PPFIBP1: variants seen among roughly 807,000 people sequenced by gnomAD.
PPFIBP1 encodes liprin-beta-1.
A neutral mutation model predicts 137.8 loss-of-function variants in PPFIBP1; 112 were observed. The observed-to-expected ratio is 0.81, with a 90% CI of 0.70 to 0.95. The LOEUF is 0.95. PPFIBP1 is among the 40% of genes least tolerant of loss of function. The pLI is 0.00. For missense variants in PPFIBP1, 1,083 were observed against 1,196.6 expected (o/e 0.91, Z 1.40); for synonymous variants, 378 against 417.3 (o/e 0.91, Z 1.15).
intron 4 of PPFIBP1, among the ~76,000 whole-genome samples, chr12:27,638,441 G>T (rs1406473060): frequency 6.6e-6 from 1 of 152,162 alleles, no homozygotes; most frequent in Non-Finnish European, 1.5e-5. Context: ...TTTAATGTTG[G>T]CCCTAAGTCT....
chr12:27,604,078 A>G (rs2054272290), intron 2 of PPFIBP1, among the ~76,000 whole-genome samples: 1 of 152,222 alleles, frequency 6.6e-6, no homozygotes, highest in Non-Finnish European at 1.5e-5. Flanking sequence ...CTAGGGGACT[A>G]TAAAGAAAAG....
intron 2 of PPFIBP1, among the ~76,000 whole-genome samples, chr12:27,619,951 A>T: frequency 6.6e-6 from 1 of 151,834 alleles, no homozygotes. Context: ...ATTCACACAT[A>T]CATACATTTT....
intron 5 of PPFIBP1, among the ~76,000 whole-genome samples, chr12:27,646,817 T>C (rs567983189): frequency 4.7e-4 from 71 of 152,242 alleles, no homozygotes; most frequent in East Asian, 3.9e-3. Flanking sequence ...TGAATTGAAG[T>C]ATATTTACTG....
chr12:27,612,639 G>A (rs1285448652), intron 2 of PPFIBP1, among the ~76,000 whole-genome samples: 3 of 152,024 alleles, frequency 2.0e-5, no homozygotes, highest in Non-Finnish European at 2.9e-5. Flanking sequence ...GTGAGCCACA[G>A]CGCCCGGCTC....
intron 1 of PPFIBP1, among the ~76,000 whole-genome samples, chr12:27,534,560 A>AT (rs1313059356): frequency 6.6e-6 from 1 of 151,972 alleles, no homozygotes; most frequent in East Asian, 1.9e-4. Flanking sequence ...AGTAGTGGTT[A>AT]TAAAAAAAAA....
chr12:27,577,949 T>C (rs189673695), intron 1 of PPFIBP1, among the ~76,000 whole-genome samples: 1 of 151,906 alleles, frequency 6.6e-6, no homozygotes, highest in African/African-American at 2.4e-5. Flanking sequence ...GAGAGAAGGG[T>C]GGAGTGCTGG....
At chr12:27,588,951 A>G (rs188598714) in intron 2 of PPFIBP1, among the ~76,000 whole-genome samples, 14 of 152,238 alleles carry the variant, frequency 9.2e-5, no homozygotes, top group African/African-American at 2.2e-4. Flanking sequence ...CTTTTTACCA[A>G]TTGTGCTCAT....
At chr12:27,655,523 G>A (rs1336932613) in intron 8 of PPFIBP1, among the ~76,000 whole-genome samples, 5 of 152,120 alleles carry the variant, frequency 3.3e-5, no homozygotes, top group South Asian at 2.1e-4. Context: ...GTAAACATTC[G>A]CTTGTGAAAG....
At chr12:27,535,007 A>G (rs1944829462) in intron 1 of PPFIBP1, among the ~76,000 whole-genome samples, 1 of 152,198 alleles carries the variant, frequency 6.6e-6, no homozygotes, top group African/African-American at 2.4e-5. Context: ...GGTGGGTCTT[A>G]TGGTGGTTGC....
chr12:27,611,678 A>G (rs2138159341), intron 2 of PPFIBP1, among the ~76,000 whole-genome samples: 1 of 152,162 alleles, frequency 6.6e-6, no homozygotes, highest in Admixed American at 6.5e-5. Context: ...TTATTTTGTA[A>G]TTGTCTATAA....
chr12:27,609,670 A>G (rs2054882080), intron 2 of PPFIBP1, among the ~76,000 whole-genome samples: 1 of 152,158 alleles, frequency 6.6e-6, no homozygotes, highest in South Asian at 2.1e-4. Context: ...ATAATCCTTC[A>G]GTTCTCAAAA....
In PPFIBP1 at chr12:27,689,099, G is replaced by A. The variant is rs966913949; in HGVS notation, c.2581G>A (p.Ala861Thr). The part of the protein sequence containing the change: ...PNKTLLRRHL[A>T]THFNLLIGAE... ...TAAGACTTTGCTGCGAAGACATTTG[G>A]CCACTCATTTCAACCTTCTGATTGG... The change falls in exon 27 of 30, where the codon GCC becomes ACC. Residue 861 changes from alanine (A) to threonine (T), a missense_variant. Coordinates refer to ENST00000228425, the MANE Select transcript of PPFIBP1 (RefSeq NM_003622.4). 6.2e-7 allele frequency: 1 copy of A among 1,612,092 alleles called. No individual in the cohort carries two copies. Among genetic ancestry groups the A allele is most frequent in the African/African-American group, 1.3e-5 (1 of 74,646 alleles).
At chr12:27,563,699 C>T (rs2049379075) in intron 1 of PPFIBP1, among the ~76,000 whole-genome samples, 1 of 152,046 alleles carries the variant, frequency 6.6e-6, no homozygotes, top group African/African-American at 2.4e-5. Context: ...ATCCTGGTGG[C>T]ACTACTCCCT....
intron 18 of PPFIBP1, 64 bp downstream of exon 18, chr12:27,676,663 C>T (rs1205170540): frequency 7.6e-7 from 1 of 1,322,068 alleles, no homozygotes; most frequent in Non-Finnish European, 1.0e-6. Flanking sequence ...CAGTGTCTTC[C>T]CTTCCCTTAC....
Position 27,593,939 on chromosome 12 carries a change from G to A in PPFIBP1, c.-36+15700G>A, listed in dbSNP as rs1251751721. ...TTCCCAGGAGGTTGTGTCCTCACAG[G>A]GGGTGTCCTCACAGGGGAAATAGCC... On this transcript the variant is annotated intron_variant, in intron 2 of 29. Transcript: ENST00000228425. 6 of 1,481,468 alleles carry A rather than the reference G, an allele frequency of 4.1e-6. No individual in the cohort carries two copies. In the Middle Eastern group the frequency reaches 5.5e-4, roughly 135 times the overall value. 91.8% of individuals were successfully genotyped at this position (1,481,468 alleles called of 1,614,324 possible). A position where few individuals can be genotyped will look rare whatever the true frequency, so the allele number is the denominator to read the frequency against.
chr12:27,658,280 G>A lies in PPFIBP1; in HGVS notation c.812-536G>A, dbSNP rs530197004. Among the ~76,000 whole-genome samples the A allele has an allele frequency of 1.1e-3, 166 of 152,202 alleles. 1 individual carries two copies. Among genetic ancestry groups the A allele is most frequent in the Middle Eastern group, 3.4e-3 (1 of 294 alleles). On this transcript the variant is annotated intron_variant, in intron 9 of 29. Transcript: ENST00000228425. ...TTACCAGTGCCCACCAGCTAACTAC[G>A]GGGATTGAGAACAAGTCTTTAGAAA...
At chr12:27,607,828 T>C (rs2054685725) in intron 2 of PPFIBP1, among the ~76,000 whole-genome samples, 1 of 152,170 alleles carries the variant, frequency 6.6e-6, no homozygotes. Context: ...ATGACTTTTT[T>C]ACTCTCAGAG....
At chr12:27,525,611 T>C (rs1943653809) in intron 1 of PPFIBP1, among the ~76,000 whole-genome samples, 1 of 151,862 alleles carries the variant, frequency 6.6e-6, no homozygotes, top group African/African-American at 2.4e-5. Context: ...AGGATCCTAC[T>C]GTTGCCAGGT....
chr12:27,592,459 T>C, intron 2 of PPFIBP1: 1 of 992,936 alleles, frequency 1.0e-6, no homozygotes, highest in South Asian at 1.7e-5. Flanking sequence ...AAAATCTGTC[T>C]ATATAGGATG....
Sources: gnomAD v4.1 joint callset for allele counts (sites outside exome capture counted in the v4.1 genomes callset) on GRCh38, gnomAD v4.1.1 for gene constraint, MANE v1.5 for transcripts, NCBI Gene and HGNC (gene_info 2026-07-23, HGNC 2026-07-21) for gene names.